The following GALNTL6 variants were observed in gnomAD, a reference collection of about 807,000 sequenced individuals.
GALNTL6 encodes polypeptide N-acetylgalactosaminyltransferase-like 6.
Under a neutral mutation model 73.7 loss-of-function variants are expected in GALNTL6, and 46 were observed. The observed-to-expected ratio is 0.62, with a 90% CI of 0.49 to 0.80. The LOEUF (loss-of-function observed/expected upper bound fraction) is 0.80. Among genes scored for constraint, GALNTL6 ranks in the 30% least tolerant of loss-of-function variants. The pLI is 0.00. For synonymous variants in GALNTL6, 259 were observed against 263.7 expected (o/e 0.98, Z 0.17); for missense variants, 604 against 755.0 (o/e 0.80, Z 2.34).
intron 7 of GALNTL6, among the ~76,000 whole-genome samples, chr4:172,849,337 G>GA (rs1481042715): frequency 6.6e-6 from 1 of 152,076 alleles, no homozygotes. Context: ...GTGCACCTCA[G>GA]AAAATAACAA....
At chr4:172,680,575 TC>T (rs1732580685) in intron 5 of GALNTL6, among the ~76,000 whole-genome samples, 1 of 152,156 alleles carries the variant, frequency 6.6e-6, no homozygotes, top group African/African-American at 2.4e-5. Flanking sequence ...TTTCATCCCC[TC>T]CTTTTTTGCC....
intron 5 of GALNTL6, among the ~76,000 whole-genome samples, chr4:172,586,194 TTTA>T (rs779671853): frequency 6.6e-6 from 1 of 152,222 alleles, no homozygotes; most frequent in Non-Finnish European, 1.5e-5. Flanking sequence ...CTTCTTATTC[TTTA>T]TATCCCTTGC....
intron 5 of GALNTL6, among the ~76,000 whole-genome samples, chr4:172,387,750 T>C (rs185490508): frequency 4.6e-5 from 7 of 152,266 alleles, no homozygotes; most frequent in Middle Eastern, 3.4e-3. Flanking sequence ...GTCCCCTGTC[T>C]CTTCACCTTC....
intron 1 of GALNTL6, 24 bp from the exon 2 acceptor site, chr4:171,814,388 A>C (rs905037111): frequency 1.6e-6 from 1 of 606,088 alleles, no homozygotes; most frequent in Non-Finnish European, 2.9e-6. Context: ...CTGGGGGGAA[A>C]GTAACTGTGC....
intron 2 of GALNTL6, among the ~76,000 whole-genome samples, chr4:172,062,124 A>ATTT (rs375712652): frequency 8.3e-5 from 12 of 143,716 alleles, no homozygotes; most frequent in African/African-American, 3.1e-4. Flanking sequence ...TAATTTTTGT[A>ATTT]TTTTTTTTTT....
intron 10 of GALNTL6, among the ~76,000 whole-genome samples, chr4:172,959,735 G>A (rs1302975917): frequency 1.3e-5 from 2 of 152,270 alleles, no homozygotes; most frequent in African/African-American, 4.8e-5. Flanking sequence ...TGAACAGTCC[G>A]ATTTTCAGTG....
intron 5 of GALNTL6, among the ~76,000 whole-genome samples, chr4:172,530,811 A>C (rs1285504447): frequency 1.3e-5 from 2 of 152,244 alleles, no homozygotes; most frequent in Non-Finnish European, 2.9e-5. Flanking sequence ...TTTTATGGAA[A>C]AATGTTTTTT....
At chr4:172,349,566 AT>A (rs1741869890) in intron 5 of GALNTL6, among the ~76,000 whole-genome samples, 1 of 152,236 alleles carries the variant, frequency 6.6e-6, no homozygotes, top group East Asian at 1.9e-4. Flanking sequence ...GTATTCAAAA[AT>A]TCTGCAAAAG....
At chr4:172,038,225 T>G (rs994188461) in intron 2 of GALNTL6, among the ~76,000 whole-genome samples, 3 of 152,196 alleles carry the variant, frequency 2.0e-5, no homozygotes, top group African/African-American at 7.2e-5. Flanking sequence ...ACTCTTTCTC[T>G]TGTTTTTTCC....
intron 7 of GALNTL6, among the ~76,000 whole-genome samples, chr4:172,831,344 G>A (rs963359402): frequency 3.9e-5 from 6 of 152,040 alleles, no homozygotes; most frequent in Admixed American, 3.9e-4. Context: ...TCTGAGTGGA[G>A]ATGCATAAAC....
At chr4:172,221,262 A>G (rs1015906896) in intron 2 of GALNTL6, among the ~76,000 whole-genome samples, 1 of 151,834 alleles carries the variant, frequency 6.6e-6, no homozygotes, top group African/African-American at 2.4e-5. Flanking sequence ...ATTAATAAGA[A>G]AATAGCATCA....
intron 3 of GALNTL6, among the ~76,000 whole-genome samples, chr4:172,299,911 C>T (rs1704965187): frequency 6.6e-6 from 1 of 152,098 alleles, no homozygotes. Context: ...GAATTGAATT[C>T]CTGGATATCC....
intron 1 of GALNTL6, 108 bp downstream of exon 1, chr4:171,814,098 G>A (rs539262596): frequency 6.3e-6 from 1 of 159,896 alleles, no homozygotes; most frequent in African/African-American, 2.4e-5. Flanking sequence ...ACTTGAAGGG[G>A]TTGAGCCAGT....
chr4:172,233,145 G>A (rs1737127407), intron 3 of GALNTL6, among the ~76,000 whole-genome samples: 1 of 148,728 alleles, frequency 6.7e-6, no homozygotes, highest in Admixed American at 6.8e-5. Context: ...GCAGAGGGAG[G>A]ATCGCTTGAG....
At chr4:172,042,547 T>C (rs773003710) in intron 2 of GALNTL6, among the ~76,000 whole-genome samples, 8 of 152,040 alleles carry the variant, frequency 5.3e-5, no homozygotes, top group Non-Finnish European at 8.8e-5. Flanking sequence ...CTCCCTTTTC[T>C]GTGTTCCCTA....
chr4:172,769,457 A>G (rs1738632416), intron 5 of GALNTL6, among the ~76,000 whole-genome samples: 1 of 152,192 alleles, frequency 6.6e-6, no homozygotes, highest in Non-Finnish European at 1.5e-5. Flanking sequence ...AGCCTGGGTA[A>G]CTTGAGGATC....
intron 2 of GALNTL6, among the ~76,000 whole-genome samples, chr4:172,061,557 T>G (rs1012192927): frequency 1.3e-5 from 2 of 152,216 alleles, no homozygotes; most frequent in Admixed American, 1.3e-4. Flanking sequence ...TTGAAAATCT[T>G]GATAAAAGAC....
In GALNTL6 at chr4:172,547,275, A is replaced by C. The variant is rs139280599; in HGVS notation, c.553+198586A>C. On this transcript the variant is annotated intron_variant, in intron 5 of 12. Coordinates refer to ENST00000506823, the MANE Select transcript of GALNTL6 (RefSeq NM_001034845.3). ...GCACCAGAATGGAAACTCTGATTCCATACCAATATTGATAGAATTGGTTTC... is the reference window on the plus strand; with the variant it reads ...GCACCAGAATGGAAACTCTGATTCCCTACCAATATTGATAGAATTGGTTTC... Among the ~76,000 whole-genome samples the C allele has an allele frequency of 2.5e-3, 380 of 152,226 alleles. 2 individuals are homozygous for C. The highest frequency in any genetic ancestry group is 8.6e-3 in the African/African-American group (359 of 41,548).
At chr4:172,750,931 C>G (rs1737387805) in intron 5 of GALNTL6, among the ~76,000 whole-genome samples, 1 of 152,048 alleles carries the variant, frequency 6.6e-6, no homozygotes, top group African/African-American at 2.4e-5. Flanking sequence ...TCAATGTTAT[C>G]TAAGTAGTCC....
Sources: gnomAD v4.1 joint callset for allele counts (sites outside exome capture counted in the v4.1 genomes callset) on GRCh38, gnomAD v4.1.1 for gene constraint, MANE v1.5 for transcripts, NCBI Gene and HGNC (gene_info 2026-07-23, HGNC 2026-07-21) for gene names.